The following SPRY3 variants were observed in gnomAD, a reference collection of about 807,000 sequenced individuals.
SPRY3 encodes protein sprouty homolog 3.
A neutral mutation model predicts 20.2 loss-of-function variants in SPRY3; 15 were observed. The observed-to-expected ratio is 0.74, with a 90% confidence interval of 0.50 to 1.14. The LOEUF (loss-of-function observed/expected upper bound fraction) is 1.14. SPRY3 is among the 50% of genes most tolerant of loss of function. SPRY3 has a pLI of 0.00. For missense variants in SPRY3, 364 were observed against 363.9 expected (o/e 1.00, Z 0.00); for synonymous variants, 143 against 136.5 (o/e 1.05, Z -0.33).
At chrX:155,761,587 C>T (rs1461684614) in intron 2 of SPRY3, among the ~76,000 whole-genome samples, 9 of 152,068 alleles carry the variant, frequency 5.9e-5, no homozygotes, top group Non-Finnish European at 1.0e-4. Flanking sequence ...ATTGCTGGGT[C>T]GAATGGTAGT....
intron 2 of SPRY3, among the ~76,000 whole-genome samples, chrX:155,758,133 G>T (rs3930136): frequency 0.3 from 45,928 of 151,942 alleles, 7,992 homozygotes; most frequent in African/African-American, 0.46. Flanking sequence ...AGGATGAAAC[G>T]ATTCATTTAT....
chrX:155,737,706 G>A (rs1169774109), intron 2 of SPRY3, among the ~76,000 whole-genome samples: 2 of 152,148 alleles, frequency 1.3e-5, no homozygotes, highest in Non-Finnish European at 2.9e-5. Flanking sequence ...GGGGGATAGA[G>A]AACAGGGTGG....
intron 2 of SPRY3, among the ~76,000 whole-genome samples, chrX:155,765,100 C>G (rs1343829069): frequency 6.6e-6 from 1 of 152,074 alleles, no homozygotes; most frequent in Non-Finnish European, 1.5e-5. Flanking sequence ...TAGTCACCTC[C>G]CAAAGGCCCC....
exon 4 of SPRY3, chrX:155,776,300 A>G (rs1200841502): frequency 6.0e-6 from 1 of 167,074 alleles, no homozygotes; most frequent in Non-Finnish European, 1.5e-5. Flanking sequence ...AGCCCTAACC[A>G]AGCTGTATCT....
chrX:155,623,371 T>G (rs1557349620), intron 1 of SPRY3, among the ~76,000 whole-genome samples: 1 of 111,988 alleles, frequency 8.9e-6, no homozygotes. Flanking sequence ...ATGGGCACTT[T>G]TCTGAAAATA....
At chrX:155,657,829 C>T (rs923507133) in intron 2 of SPRY3, among the ~76,000 whole-genome samples, 1 of 112,312 alleles carries the variant, frequency 8.9e-6, no homozygotes, top group East Asian at 2.8e-4. Context: ...ATATCACAGT[C>T]CCTCATGGCT....
At chrX:155,705,119 C>G (rs1007588468) in intron 2 of SPRY3, among the ~76,000 whole-genome samples, 2 of 151,234 alleles carry the variant, frequency 1.3e-5, no homozygotes, top group Non-Finnish European at 3.0e-5. Context: ...AATTATTTTT[C>G]TTATTTGTAT....
intron 2 of SPRY3, among the ~76,000 whole-genome samples, chrX:155,668,139 A>C (rs1245312792): frequency 2.6e-4 from 29 of 111,170 alleles, no homozygotes; most frequent in Admixed American, 2.4e-3. Flanking sequence ...ATGTTCACCC[A>C]AAAACGTGGA....
intron 2 of SPRY3, among the ~76,000 whole-genome samples, chrX:155,674,139 C>T (rs1459217804): frequency 4.5e-5 from 5 of 111,165 alleles, no homozygotes; most frequent in Non-Finnish European, 7.5e-5. Context: ...AGATAAAAAA[C>T]GGCATTTGTA....
intron 2 of SPRY3, among the ~76,000 whole-genome samples, chrX:155,725,381 TC>T (rs1393806762): frequency 6.6e-6 from 1 of 152,168 alleles, no homozygotes; most frequent in African/African-American, 2.4e-5. Flanking sequence ...TGGAATAGTT[TC>T]AGAAGGAATG....
downstream of SPRY3, chrX:155,779,475 T>C (rs768703189): frequency 1.2e-5 from 2 of 167,118 alleles, no homozygotes; most frequent in African/African-American, 2.4e-5. Context: ...AAAGGGCTTC[T>C]TTTTTATATG....
At chrX:155,641,559 A>G (rs2067940701) in intron 1 of SPRY3, among the ~76,000 whole-genome samples, 1 of 115,103 alleles carries the variant, frequency 8.7e-6, no homozygotes, top group Non-Finnish European at 1.9e-5. Flanking sequence ...GCCGGTAGCC[A>G]GTGTTAGATT....
chrX:155,680,192 T>TGTGTGTGTGTGTGTGTG (rs1252959473), intron 2 of SPRY3, among the ~76,000 whole-genome samples: 39 of 40,379 alleles, frequency 9.7e-4, no homozygotes, highest in African/African-American at 3.0e-3. Context: ...GTGTGTGTGT[T>TGTGTGTGTGTGTGTGTG]TGAGGGAGAG....
intron 2 of SPRY3, among the ~76,000 whole-genome samples, chrX:155,710,712 G>A (rs1238262182): frequency 6.6e-6 from 1 of 151,582 alleles, no homozygotes; most frequent in Non-Finnish European, 1.5e-5. Flanking sequence ...AATAACAGTG[G>A]CAAAAATAAG....
Position 155,757,255 on chromosome X carries a change from G to T in SPRY3, c.-281-10707G>T, listed in dbSNP as rs185921917. On this transcript the variant is annotated intron_variant, in intron 2 of 3. Coordinates refer to ENST00000675360, the Ensembl canonical transcript of SPRY3. ...TAGGCATAGGCGTGCTGATCTCTTT[G>T]CTCCTCCTAGAACACATCAAGTACA... Among the ~76,000 whole-genome samples, 296 of 152,006 alleles carry T rather than the reference G, an allele frequency of 1.9e-3. 1 individual carries two copies. The highest frequency in any genetic ancestry group is 6.6e-3 in the African/African-American group (272 of 41,464).
At chrX:155,644,124 T>C (rs1395290216) in intron 1 of SPRY3, among the ~76,000 whole-genome samples, 1 of 111,100 alleles carries the variant, frequency 9.0e-6, no homozygotes, top group African/African-American at 3.3e-5. Context: ...CTTTCAAGCT[T>C]GAATGATATT....
At chrX:155,767,289 C>G (rs908171343) in intron 2 of SPRY3, among the ~76,000 whole-genome samples, 4 of 151,934 alleles carry the variant, frequency 2.6e-5, no homozygotes. Context: ...CCATCCTCCC[C>G]TATAACCCAT....
At chrX:155,659,425 G>A (rs1051627016) in intron 2 of SPRY3, among the ~76,000 whole-genome samples, 2 of 110,597 alleles carry the variant, frequency 1.8e-5, no homozygotes, top group East Asian at 5.7e-4. Context: ...GATTACAGAC[G>A]TGCGCCACCA....
exon 4 of SPRY3, chrX:155,775,867 A>G (rs115527714): frequency 6.0e-6 from 1 of 167,234 alleles, no homozygotes; most frequent in African/African-American, 2.4e-5. Context: ...AATAATGGAC[A>G]TAAAAAGTCA....
Sources: allele counts gnomAD v4.1 joint callset (sites outside exome capture counted in the v4.1 genomes callset), GRCh38; gene constraint gnomAD v4.1.1; transcripts MANE v1.5; gene names NCBI Gene and HGNC (gene_info 2026-07-23, HGNC 2026-07-21).